DHRS4L2: variants seen among roughly 807,000 people sequenced by gnomAD.
The protein encoded by DHRS4L2 is dehydrogenase/reductase 4 like 2.
DHRS4L2 carries 22 observed loss-of-function variants against 23.9 expected under a neutral mutation model. That is an observed-to-expected ratio of 0.92 (90% CI 0.66 to 1.31). The LOEUF (loss-of-function observed/expected upper bound fraction) is 1.31, where lower values mean the gene tolerates loss of function less well. Among genes scored for constraint, DHRS4L2 ranks in the 40% most tolerant of loss-of-function variants. The pLI, the probability that DHRS4L2 is intolerant of heterozygous loss-of-function variation, is 0.00. For synonymous variants in DHRS4L2, 141 were observed against 123.7 expected (o/e 1.14, Z -0.93); for missense variants, 385 against 303.3 (o/e 1.27, Z -2.00).
intron 3 of DHRS4L2, among the ~76,000 whole-genome samples, chr14:23,999,342 TG>T (rs1186765962): frequency 1.9e-3 from 189 of 98,292 alleles, no homozygotes; most frequent in Middle Eastern, 0.013. Flanking sequence ...AACTCCAATT[TG>T]TAAAAAAAAA....
At chr14:23,993,601 T>C (rs923091242) in intron 2 of DHRS4L2, among the ~76,000 whole-genome samples, 1 of 151,648 alleles carries the variant, frequency 6.6e-6, no homozygotes, top group African/African-American at 2.4e-5. Context: ...TGTTGGCAGA[T>C]TCTGCTTGGC....
At chr14:23,994,933 G>C in intron 2 of DHRS4L2, 99 bp from the exon 3 acceptor site, 2 of 1,431,676 alleles carry the variant, frequency 1.4e-6, no homozygotes, top group Non-Finnish European at 1.9e-6. Flanking sequence ...ACAGGCATGA[G>C]CCACAGCTCC....
chr14:23,977,622 T>G lies in DHRS4L2; in HGVS notation c.-176+7290T>G, dbSNP rs560468374. Among the ~76,000 whole-genome samples the G allele has an allele frequency of 4.1e-4, 63 of 151,910 alleles. 1 individual carries two copies. In the Middle Eastern group the frequency reaches 0.014, roughly 33 times the overall value. On this transcript the variant is annotated intron_variant, in intron 1 of 5. Transcript: ENST00000534993. ...CACTTTAAGCCTTGAGACGTGACTG[T>G]GATCTGAGTCGTATGTGGTTATAAC...
At position 23,995,632 on chromosome 14, in the gene DHRS4L2, G is replaced by A. The variant is rs2332154; in HGVS notation, c.408+499G>A. The stretch of plus-strand genomic sequence containing the variant: ...TTAAAAAAATAAAATAAAAACCTAT[G>A]TTATTTTCTTCTTAACTGCAATGTC... On this transcript the variant is annotated intron_variant, in intron 3 of 7. Transcript: ENST00000335125. Among the ~76,000 whole-genome samples, 20 of 151,708 alleles carry A rather than the reference G, an allele frequency of 1.3e-4. 1 individual carries two copies. Among genetic ancestry groups the A allele is most frequent in the South Asian group, 1.0e-3 (5 of 4,808 alleles).
intron 4 of DHRS4L2, 22 bp from the exon 5 acceptor site, chr14:24,001,011 G>A: frequency 6.2e-7 from 1 of 1,611,524 alleles, no homozygotes; most frequent in Non-Finnish European, 8.5e-7. Flanking sequence ...TGGGAAGACG[G>A]TCAGCTCTCT....
chr14:23,986,362 G>A (rs753909181), upstream of DHRS4L2, among the ~76,000 whole-genome samples: 47 of 151,356 alleles, frequency 3.1e-4, no homozygotes, highest in Non-Finnish European at 5.5e-4. Context: ...CTGTCGTGGG[G>A]TGCAGGCATG....
upstream of DHRS4L2, among the ~76,000 whole-genome samples, chr14:23,984,614 G>A (rs1233291813): frequency 6.6e-6 from 1 of 151,220 alleles, no homozygotes; most frequent in Non-Finnish European, 1.5e-5. Context: ...GGCCAACATG[G>A]TGAAACCCCA....
At chr14:23,971,705 A>G (rs909988844) in intron 1 of DHRS4L2, among the ~76,000 whole-genome samples, 1 of 152,076 alleles carries the variant, frequency 6.6e-6, no homozygotes, top group Non-Finnish European at 1.5e-5. Context: ...TTTTGAAACT[A>G]GAATTTCATA....
At chr14:23,992,613 AG>A (rs1755708323) in intron 2 of DHRS4L2, among the ~76,000 whole-genome samples, 1 of 151,490 alleles carries the variant, frequency 6.6e-6, no homozygotes, top group South Asian at 2.1e-4. Flanking sequence ...TATAACTATC[AG>A]AACACAGAAC....
upstream of DHRS4L2, among the ~76,000 whole-genome samples, chr14:23,984,095 A>G (rs2138521222): frequency 6.6e-6 from 1 of 151,754 alleles, no homozygotes; most frequent in East Asian, 1.9e-4. Flanking sequence ...AGAAGAAAGA[A>G]AAGAAATGCA....
upstream of DHRS4L2, among the ~76,000 whole-genome samples, chr14:23,988,535 T>C (rs1412958907): frequency 2.7e-5 from 4 of 150,884 alleles, no homozygotes; most frequent in African/African-American, 7.3e-5. Context: ...GTCACATACA[T>C]AGACCCAGAC....
At chr14:23,984,817 A>AAG, upstream of DHRS4L2, among the ~76,000 whole-genome samples, 1 of 150,854 alleles carries the variant, frequency 6.6e-6, no homozygotes, top group African/African-American at 2.4e-5. Context: ...AAAAAAAAAA[A>AAG]AAAAAAAAGA....
At position 24,004,405 on chromosome 14, in the gene DHRS4L2, G is replaced by A. The variant is rs1200738857; in HGVS notation, c.*22+13G>A. 180 of 1,596,628 alleles carry A rather than the reference G, an allele frequency of 1.1e-4. No homozygotes were observed. In the African/African-American group the frequency reaches 1.8e-3, roughly 16 times the overall value. ...TGCGGATAAGAAGGTAAACTGTCAT[G>A]AGGGCAAGGGCACTAAGAGACATGA... On this transcript the variant is annotated intron_variant, in intron 7 of 7. Transcript: ENST00000335125.
intron 3 of DHRS4L2, among the ~76,000 whole-genome samples, chr14:23,999,886 G>T (rs2034453768): frequency 8.2e-6 from 1 of 122,462 alleles, no homozygotes; most frequent in African/African-American, 3.9e-5. Flanking sequence ...GTACAGACGA[G>T]GTTTGCCATG....
At chr14:23,971,049 G>C (rs541910139) in intron 1 of DHRS4L2, among the ~76,000 whole-genome samples, 2 of 152,084 alleles carry the variant, frequency 1.3e-5, no homozygotes, top group African/African-American at 2.4e-5. Context: ...AGAGAAACCA[G>C]AGCAGAAATG....
At chr14:23,986,440 T>C (rs2034140872), upstream of DHRS4L2, among the ~76,000 whole-genome samples, 1 of 150,202 alleles carries the variant, frequency 6.7e-6, no homozygotes, top group Admixed American at 6.6e-5. Flanking sequence ...CACACCAACA[T>C]GGCACATGTG....
chr14:23,996,133 A>G (rs1173706523), intron 3 of DHRS4L2, among the ~76,000 whole-genome samples: 2 of 151,756 alleles, frequency 1.3e-5, no homozygotes, highest in African/African-American at 4.8e-5. Context: ...ATGAAATAAT[A>G]GAGTGAGAAC....
Position 24,001,957 on chromosome 14 carries a change from CTTTTTTTTTTT to C in DHRS4L2, c.665+446_665+456del. Among the ~76,000 whole-genome samples, 2 of 5,516 alleles carry C rather than the reference CTTTTTTTTTTT, an allele frequency of 3.6e-4. 1 individual carries two copies. The highest frequency in any genetic ancestry group is 0.037 in the South Asian group (2 of 54). The allele number at this position is 5,516 out of a possible 152,430, so 3.6% of individuals were successfully genotyped here. On this transcript the variant is annotated intron_variant, in intron 6 of 7. Transcript: ENST00000335125. Reference sequence around the variant, plus strand: ...CCTTTCCATTCTTCACTTTCCTCTTCTTTTTTTTTTTTTTTTCTTTTTTAATTATTATTATT... The same window carrying C: ...CCTTTCCATTCTTCACTTTCCTCTTCTTTTTCTTTTTTAATTATTATTATT...
At chr14:23,983,995 A>G (rs2034097116), upstream of DHRS4L2, among the ~76,000 whole-genome samples, 1 of 151,592 alleles carries the variant, frequency 6.6e-6, no homozygotes, top group Non-Finnish European at 1.5e-5. Flanking sequence ...ACAAACCTGC[A>G]AGTTCTGCAC....
Sources: gnomAD v4.1 joint callset for allele counts (sites outside exome capture counted in the v4.1 genomes callset) on GRCh38, gnomAD v4.1.1 for gene constraint, MANE v1.5 for transcripts, NCBI Gene and HGNC (gene_info 2026-07-23, HGNC 2026-07-21) for gene names.